PCNX1: variants seen among roughly 807,000 people sequenced by gnomAD.
The protein encoded by PCNX1 is pecanex 1, also known as pecanex-like protein 1.
Under a neutral mutation model 242.2 loss-of-function variants are expected in PCNX1, and 78 were observed. The ratio of observed to expected loss-of-function variants is 0.32; its 90% confidence interval spans 0.27 to 0.39. The LOEUF (loss-of-function observed/expected upper bound fraction) is 0.39. Among genes scored for constraint, PCNX1 ranks in the 10% least tolerant of loss-of-function variants. The pLI is 1.00. For missense variants in PCNX1, 2,581 were observed against 2,856.5 expected, an observed-to-expected ratio of 0.90 and a Z score of 2.20; for synonymous variants, 1,024 against 1,032.9, an observed-to-expected ratio of 0.99 and a Z score of 0.17.
At chr14:70,974,240 TG>T (rs1370148458) in intron 5 of PCNX1, among the ~76,000 whole-genome samples, 81 of 149,994 alleles carry the variant, frequency 5.4e-4, no homozygotes, top group South Asian at 1.9e-3. Context: ...TGGTTTTTTT[TG>T]TTGTTTTTTT....
chr14:70,940,580 T>G (rs1190180193), intron 1 of PCNX1, among the ~76,000 whole-genome samples: 7 of 152,228 alleles, frequency 4.6e-5, no homozygotes, highest in Non-Finnish European at 8.8e-5. Flanking sequence ...CATTTCAACT[T>G]TGGTGAATCT....
At chr14:71,061,059 A>G (rs2061314096) in intron 26 of PCNX1, among the ~76,000 whole-genome samples, 1 of 152,222 alleles carries the variant, frequency 6.6e-6, no homozygotes, top group Non-Finnish European at 1.5e-5. Flanking sequence ...TCACAGGGCA[A>G]ATCTTCAGTA....
chr14:71,024,485 T>C (rs1355262926), intron 13 of PCNX1, among the ~76,000 whole-genome samples: 1 of 152,174 alleles, frequency 6.6e-6, no homozygotes, highest in Non-Finnish European at 1.5e-5. Context: ...TTTGAGTTTG[T>C]CTGATGTTTT....
intron 16 of PCNX1, among the ~76,000 whole-genome samples, chr14:71,032,246 C>G (rs1378250506): frequency 6.6e-6 from 1 of 152,186 alleles, no homozygotes; most frequent in African/African-American, 2.4e-5. Flanking sequence ...TCCTTCATAT[C>G]TTTTGTTTTC....
intron 6 of PCNX1, among the ~76,000 whole-genome samples, chr14:70,980,551 C>T (rs1299224675): frequency 6.6e-6 from 1 of 151,986 alleles, no homozygotes; most frequent in East Asian, 1.9e-4. Context: ...AAGAGCAAAA[C>T]TAAAGCACTT....
intron 5 of PCNX1, among the ~76,000 whole-genome samples, chr14:70,973,229 A>AGT (rs1365398367): frequency 6.8e-6 from 1 of 148,000 alleles, no homozygotes; most frequent in Non-Finnish European, 1.5e-5. Flanking sequence ...CTCCAGCCTG[A>AGT]GTGACAGAGC....
chr14:71,031,668 G>A lies in PCNX1; in HGVS notation c.3559-1761G>A, dbSNP rs185352908. On this transcript the variant is annotated intron_variant, in intron 16 of 35. Coordinates refer to ENST00000304743, the MANE Select transcript of PCNX1 (RefSeq NM_014982.3). ...GTGGGACGTCTCTCACCGTCAGTAG[G>A]TCCTGCTCACGTCTGTACATGAGCC... 68 of 715,404 alleles carry A rather than the reference G, an allele frequency of 9.5e-5. No individual in the cohort carries two copies. In the African/African-American group the frequency reaches 1.1e-3, roughly 12 times the overall value. The allele number at this position is 715,404 out of a possible 1,614,324, so 44.3% of individuals were successfully genotyped here. A position where few individuals can be genotyped will look rare whatever the true frequency, so the allele number is the denominator to read the frequency against.
intron 6 of PCNX1, among the ~76,000 whole-genome samples, chr14:70,985,851 A>G (rs545005547): frequency 6.6e-6 from 1 of 152,268 alleles, no homozygotes; most frequent in South Asian, 2.1e-4. Flanking sequence ...AACTCCAAAA[A>G]CAGTTTTTAA....
In PCNX1 at chr14:71,110,064, G is replaced by A; in HGVS notation, c.*129G>A. The A allele has an allele frequency of 1.2e-6, 1 of 852,826 alleles. No homozygotes were observed. Among genetic ancestry groups the A allele is most frequent in the South Asian group, 1.4e-5 (1 of 73,324 alleles). 52.8% of individuals were successfully genotyped at this position (852,826 alleles called of 1,614,324 possible). A position where few individuals can be genotyped will look rare whatever the true frequency, so the allele number is the denominator to read the frequency against. On this transcript the variant is annotated 3_prime_UTR_variant, in exon 36 of 36. Coordinates refer to ENST00000304743, the MANE Select transcript of PCNX1 (RefSeq NM_014982.3). Reference sequence around the variant, plus strand: ...ATGTGGGAGCGACTGAAAATAGAATGAGCTTGGTTAAGCACCTCTCCTTTG... The same window carrying A: ...ATGTGGGAGCGACTGAAAATAGAATAAGCTTGGTTAAGCACCTCTCCTTTG...
intron 1 of PCNX1, among the ~76,000 whole-genome samples, chr14:70,930,975 G>T (rs115613508): frequency 3.3e-5 from 5 of 151,966 alleles, no homozygotes; most frequent in Non-Finnish European, 5.9e-5. Flanking sequence ...GAGTCCTTTG[G>T]GGGGCAGCTT....
At chr14:71,036,279 A>G (rs2060529512) in intron 19 of PCNX1, 122 bp downstream of exon 19, 1 of 662,440 alleles carries the variant, frequency 1.5e-6, no homozygotes, top group South Asian at 1.9e-5. Flanking sequence ...CCTGGGCTCA[A>G]GTGATCCTCC....
chr14:70,910,045 CT>C lies in PCNX1; in HGVS notation c.153+2043del, dbSNP rs1566808226. On this transcript the variant is annotated intron_variant, in intron 1 of 35. Coordinates refer to ENST00000304743, the MANE Select transcript of PCNX1 (RefSeq NM_014982.3). The stretch of plus-strand genomic sequence containing the variant: ...CGACGACTCCTCCCTCCTCCTCCTC[CT>C]CCTCCTCCTCCTCCTCCCCCTCCTC... Among the ~76,000 whole-genome samples, 119 of 100,114 alleles carry C rather than the reference CT, an allele frequency of 1.2e-3. 2 individuals are homozygous for C. The East Asian group carries it at 0.012, about 10-fold the overall frequency. 65.7% of individuals were successfully genotyped at this position (100,114 alleles called of 152,430 possible).
intron 30 of PCNX1, among the ~76,000 whole-genome samples, chr14:71,100,014 A>G (rs756730026): frequency 1.3e-5 from 2 of 151,568 alleles, no homozygotes; most frequent in Non-Finnish European, 2.9e-5. Flanking sequence ...TTTTTTTTTA[A>G]TCTACCTTGC....
At chr14:71,081,715 C>T (rs1416690007) in intron 28 of PCNX1, among the ~76,000 whole-genome samples, 1 of 152,014 alleles carries the variant, frequency 6.6e-6, no homozygotes, top group Non-Finnish European at 1.5e-5. Context: ...GGTGATATCC[C>T]CTTTATCATT....
intron 1 of PCNX1, among the ~76,000 whole-genome samples, chr14:70,909,256 ATTGT>A (rs1423922353): frequency 7.7e-6 from 1 of 130,634 alleles, no homozygotes; most frequent in African/African-American, 2.7e-5. Context: ...GAAGGGACTT[ATTGT>A]TTGAGGTTAA....
intron 6 of PCNX1, among the ~76,000 whole-genome samples, chr14:70,985,887 C>G (rs112117095): frequency 3.7e-4 from 56 of 152,200 alleles, no homozygotes; most frequent in Non-Finnish European, 7.4e-4. Context: ...CTCTCTGATT[C>G]CCTAGTTAAA....
chr14:70,959,207 T>C (rs2058109823), intron 2 of PCNX1, among the ~76,000 whole-genome samples: 1 of 139,008 alleles, frequency 7.2e-6, no homozygotes, highest in South Asian at 2.5e-4. Context: ...CCCGTAAATC[T>C]GGGTTCCTGT....
rs1326758343 is a variant in PCNX1, at chr14:70,998,917, C to A, written c.2629+2992C>A. Among the ~76,000 whole-genome samples, 9 of 152,100 alleles carry A rather than the reference C, an allele frequency of 5.9e-5. No homozygotes were observed. In the East Asian group the frequency reaches 1.7e-3, roughly 29 times the overall value. ...GGAAATGATATTTCTATCAGAATTT[C>A]TCAAATTCTTCAATGTAATATGTTG... On this transcript the variant is annotated intron_variant, in intron 8 of 35. Transcript: ENST00000304743.
At chr14:70,948,300 C>T (rs1019477813) in intron 2 of PCNX1, among the ~76,000 whole-genome samples, 7 of 152,002 alleles carry the variant, frequency 4.6e-5, no homozygotes, top group African/African-American at 9.7e-5. Flanking sequence ...CGGAACCTGC[C>T]GACATGTGAT....
Sources: allele counts gnomAD v4.1 joint callset (sites outside exome capture counted in the v4.1 genomes callset), GRCh38; gene constraint gnomAD v4.1.1; transcripts MANE v1.5; gene names NCBI Gene and HGNC (gene_info 2026-07-23, HGNC 2026-07-21).